STS: variants seen among roughly 807,000 people sequenced by gnomAD.
STS encodes steryl-sulfatase.
Under a neutral mutation model 26.8 loss-of-function variants are expected in STS, and 7 were observed. The ratio of observed to expected loss-of-function variants is 0.26; its 90% CI spans 0.15 to 0.49. The LOEUF is 0.49. Ranked by LOEUF, STS falls within the 20% of genes least tolerant of loss-of-function variation. STS has a pLI of 0.98. For missense variants in STS, 434 were observed against 465.6 expected (o/e 0.93, Z 0.63); for synonymous variants, 199 against 189.4 (o/e 1.05, Z -0.42).
At chrX:7,184,043 AAT>A (rs1933730445) in intron 1 of STS, among the ~76,000 whole-genome samples, 1 of 111,934 alleles carries the variant, frequency 8.9e-6, no homozygotes, top group African/African-American at 3.2e-5. Context: ...CCTTAGCATA[AAT>A]GGAAGACTAG....
At position 7,190,964 on chromosome X, in the gene STS, C is replaced by A. The variant is rs1381968273; in HGVS notation, c.-49C>A. On this transcript the variant is annotated 5_prime_UTR_variant, in exon 2 of 11. Coordinates refer to ENST00000674429, the MANE Select transcript of STS (RefSeq NM_001320752.2). ...CACAGTCATCTCAGTAAGTTAAGATCTTCCTGAGGACAATGGCGCAAGATC... is the reference window on the plus strand; with the variant it reads ...CACAGTCATCTCAGTAAGTTAAGATATTCCTGAGGACAATGGCGCAAGATC... 2 of 751,426 alleles carry A rather than the reference C, an allele frequency of 2.7e-6. No homozygotes were observed. The allele number at this position is 751,426 out of a possible 1,213,427, so 61.9% of individuals were successfully genotyped here.
intron 2 of STS, among the ~76,000 whole-genome samples, chrX:7,198,572 T>C (rs146077150): frequency 0.042 from 4,706 of 111,592 alleles, 234 homozygotes; most frequent in African/African-American, 0.14. Context: ...AAATGGGATT[T>C]TTTTCCGGAA....
chrX:7,324,844 G>A (rs781775777), intron 8 of STS, among the ~76,000 whole-genome samples: 1 of 111,716 alleles, frequency 9.0e-6, no homozygotes, highest in Non-Finnish European at 1.9e-5. Context: ...GATCCACTCA[G>A]ACAATGCAGG....
intron 1 of STS, among the ~76,000 whole-genome samples, chrX:7,179,263 T>C (rs1446091406): frequency 9.0e-6 from 1 of 111,363 alleles, no homozygotes; most frequent in Non-Finnish European, 1.9e-5. Flanking sequence ...TCCCTTCTCC[T>C]GAAAGTGATA....
At chrX:7,193,993 C>T (rs1601641885) in intron 2 of STS, among the ~76,000 whole-genome samples, 1 of 111,677 alleles carries the variant, frequency 9.0e-6, no homozygotes, top group Non-Finnish European at 1.9e-5. Context: ...CAACCTCCAC[C>T]TCCCGGGTCC....
At chrX:7,185,991 C>G (rs943513090) in intron 1 of STS, among the ~76,000 whole-genome samples, 5 of 112,183 alleles carry the variant, frequency 4.5e-5, no homozygotes, top group Non-Finnish European at 5.6e-5. Context: ...GGCACAAGAT[C>G]GGACAACAAG....
At chrX:7,323,166 A>G (rs1329670146) in intron 8 of STS, among the ~76,000 whole-genome samples, 2 of 111,544 alleles carry the variant, frequency 1.8e-5, no homozygotes, top group Admixed American at 9.6e-5. Context: ...GGGCTGGTGT[A>G]TCTGTTTCCT....
chrX:7,324,688 C>A (rs1196741929), intron 8 of STS, among the ~76,000 whole-genome samples: 1 of 111,390 alleles, frequency 9.0e-6, no homozygotes, highest in African/African-American at 3.3e-5. Flanking sequence ...TAAAATGAGG[C>A]ATGTCCAATC....
chrX:7,220,756 G>A (rs1844040196), intron 2 of STS, among the ~76,000 whole-genome samples: 1 of 109,203 alleles, frequency 9.2e-6, no homozygotes, highest in Non-Finnish European at 1.9e-5. Context: ...TCACGTGTTA[G>A]TCAGGATGGT....
chrX:7,340,665 T>TA lies in STS; in HGVS notation c.1363+6567dup, dbSNP rs202002466. ...CAGATTTGGCTGTAACAAAAAACAATAAAAAAAAACAGTAGTTTACATTAG... is the reference window on the plus strand; with the variant it reads ...CAGATTTGGCTGTAACAAAAAACAATAAAAAAAAAACAGTAGTTTACATTAG... On this transcript the variant is annotated intron_variant, in intron 10 of 10. Coordinates refer to ENST00000674429, the MANE Select transcript of STS (RefSeq NM_001320752.2). 2.5e-3 allele frequency among the ~76,000 whole-genome samples: 280 copies of TA among 110,223 alleles called. 1 individual carries two copies. The highest frequency in any genetic ancestry group is 7.0e-3 in the African/African-American group (212 of 30,400).
intron 10 of STS, among the ~76,000 whole-genome samples, chrX:7,335,991 A>G (rs1928001285): frequency 1.8e-5 from 2 of 111,830 alleles, no homozygotes; most frequent in Admixed American, 1.9e-4. Flanking sequence ...TACCAGTACC[A>G]TGCTGTTTTG....
intron 1 of STS, among the ~76,000 whole-genome samples, chrX:7,169,207 C>A (rs994224661): frequency 9.0e-6 from 1 of 111,250 alleles, no homozygotes; most frequent in Non-Finnish European, 1.9e-5. Flanking sequence ...CTATTTTAGA[C>A]ATTTCATACA....
intron 8 of STS, among the ~76,000 whole-genome samples, chrX:7,317,595 T>C (rs568102458): frequency 5.4e-4 from 60 of 111,175 alleles, no homozygotes; most frequent in Middle Eastern, 4.6e-3. Context: ...CAGCCTCCCA[T>C]GTAGCTGGGA....
chrX:7,214,931 GTA>G (rs1445039963), intron 2 of STS, among the ~76,000 whole-genome samples: 9 of 91,871 alleles, frequency 9.8e-5, no homozygotes, highest in African/African-American at 2.8e-4. Context: ...GTGTGTGTGT[GTA>G]TATATATATA....
Position 7,165,863 on chromosome X carries a change from G to A in STS, c.-134+17780G>A, listed in dbSNP as rs191335530. The stretch of plus-strand genomic sequence containing the variant: ...AAAAATATCTTCAGACATTGCCAAT[G>A]TCCCCCGGGGGTCAAATTGGGCCCT... On this transcript the variant is annotated intron_variant, in intron 1 of 10. Coordinates refer to ENST00000674429, the MANE Select transcript of STS (RefSeq NM_001320752.2). Among the ~76,000 whole-genome samples, 54 of 111,145 alleles carry A rather than the reference G, an allele frequency of 4.9e-4. 1 individual carries two copies. In the Middle Eastern group the frequency reaches 0.019, roughly 38 times the overall value.
At chrX:7,308,925 T>G (rs771546740) in intron 8 of STS, among the ~76,000 whole-genome samples, 2 of 111,918 alleles carry the variant, frequency 1.8e-5, no homozygotes, top group Non-Finnish European at 3.8e-5. Context: ...ATCATAGGAT[T>G]TAACACCCTG....
chrX:7,266,285 G>A (rs2147097225), intron 6 of STS, among the ~76,000 whole-genome samples: 1 of 111,967 alleles, frequency 8.9e-6, no homozygotes, highest in Admixed American at 9.6e-5. Flanking sequence ...TCTACACTGT[G>A]TTACTGATAT....
chrX:7,176,067 T>C (rs1248851796), intron 1 of STS, among the ~76,000 whole-genome samples: 1 of 111,969 alleles, frequency 8.9e-6, no homozygotes, highest in African/African-American at 3.2e-5. Flanking sequence ...GGTTCCTTGC[T>C]AGTCCCTTAG....
At chrX:7,214,908 C>CAT (rs200673083) in intron 2 of STS, among the ~76,000 whole-genome samples, 3,596 of 97,560 alleles carry the variant, frequency 0.037, 195 homozygotes, top group African/African-American at 0.13. Flanking sequence ...AGTATTCCAT[C>CAT]ATATATATAT....
Sources: allele counts gnomAD v4.1 joint callset (sites outside exome capture counted in the v4.1 genomes callset), GRCh38; gene constraint gnomAD v4.1.1; transcripts MANE v1.5; gene names NCBI Gene and HGNC (gene_info 2026-07-23, HGNC 2026-07-21).